The following ASAP2 variants were observed in gnomAD, a reference collection of about 807,000 sequenced individuals.
ASAP2 encodes the protein arf-GAP with SH3 domain, ANK repeat and PH domain-containing protein 2.
In ASAP2, 45 loss-of-function variants were observed where a neutral mutation model predicts 131.4. The observed-to-expected ratio is 0.34, with a 90% CI of 0.27 to 0.44. The LOEUF (loss-of-function observed/expected upper bound fraction) is 0.44, where lower values mean the gene tolerates loss of function less well. Among genes scored for constraint, ASAP2 ranks in the 20% least tolerant of loss-of-function variants. The probability of loss-of-function intolerance (pLI) is 1.00; values close to 1 mark genes in which losing one functional copy is unlikely to be tolerated. For synonymous variants in ASAP2, 510 were observed against 503.0 expected (o/e 1.01, Z -0.19); for missense variants, 1,011 against 1,297.0 (o/e 0.78, Z 3.39).
At chr2:9,250,101 A>G (rs1337573229) in intron 1 of ASAP2, among the ~76,000 whole-genome samples, 1 of 152,148 alleles carries the variant, frequency 6.6e-6, no homozygotes, top group Non-Finnish European at 1.5e-5. Context: ...TACCTACCTC[A>G]ATTGCTTTGT....
intron 1 of ASAP2, among the ~76,000 whole-genome samples, chr2:9,270,818 A>T (rs1310387184): frequency 1.7e-5 from 1 of 59,960 alleles, no homozygotes; most frequent in African/African-American, 6.2e-5. Flanking sequence ...TTTGAGACGG[A>T]GTCTCGCTCC....
rs57906310 is a variant in ASAP2, at chr2:9,302,169, CTTTTTTTTTT to C, written c.345+4736_345+4745del. Among the ~76,000 whole-genome samples the C allele has an allele frequency of 1.8e-4, 15 of 82,920 alleles. No individual in the cohort carries two copies. The Admixed American group carries it at 1.9e-3, about 11-fold the overall frequency. 54.4% of individuals were successfully genotyped at this position (82,920 alleles called of 152,430 possible). A position where few individuals can be genotyped will look rare whatever the true frequency, so the allele number is the denominator to read the frequency against. Reference sequence around the variant, plus strand: ...AACACAGATGATGTGAGTTAGAAGCCTTTTTTTTTTTTTTTTTTTTTGAGACGGAGTCTCG... The same window carrying C: ...AACACAGATGATGTGAGTTAGAAGCCTTTTTTTTTTTGAGACGGAGTCTCG... On this transcript the variant is annotated intron_variant, in intron 3 of 27. Transcript: ENST00000281419.
chr2:9,268,446 G>A lies in ASAP2; in HGVS notation c.127-10871G>A, dbSNP rs551795072. Among the ~76,000 whole-genome samples, 3 of 152,242 alleles carry A rather than the reference G, an allele frequency of 2.0e-5. No homozygotes were observed. Among genetic ancestry groups the A allele is most frequent in the South Asian group, 4.1e-4 (2 of 4,824 alleles). On this transcript the variant is annotated intron_variant, in intron 1 of 27. Transcript: ENST00000281419. The surrounding 1 kb of genome is among the most constrained non-coding windows in gnomAD (Gnocchi z 4.1). ...CGTCTATTTGATCTTAATTCTTAGC[G>A]ACACCTGCTATTCTTCAGGCCTGGC...
intron 3 of ASAP2, among the ~76,000 whole-genome samples, chr2:9,317,740 C>A (rs553069560): frequency 1.3e-4 from 19 of 151,014 alleles, no homozygotes; most frequent in African/African-American, 4.4e-4. Flanking sequence ...ACACTCACAT[C>A]CACACTCACA....
chr2:9,382,072 C>T (rs1037119768), intron 20 of ASAP2, among the ~76,000 whole-genome samples: 1 of 151,128 alleles, frequency 6.6e-6, no homozygotes, highest in Admixed American at 6.6e-5. Context: ...CAACCTCCGC[C>T]TCCCAGGTTT....
rs191573615 is a variant in ASAP2, at chr2:9,250,835, G to A, written c.127-28482G>A. ...TGTGATTCAGCACAGGCCACCATGG[G>A]CCATCTGTGAGCAAAGTGCTGAGCC... On this transcript the variant is annotated intron_variant, in intron 1 of 27. Transcript: ENST00000281419. 8.1e-4 allele frequency among the ~76,000 whole-genome samples: 123 copies of A among 152,342 alleles called. 1 individual carries two copies. The highest frequency in any genetic ancestry group is 2.2e-3 in the African/African-American group (93 of 41,578).
chr2:9,387,247 G>T (rs1439951695), intron 21 of ASAP2, among the ~76,000 whole-genome samples: 1 of 148,454 alleles, frequency 6.7e-6, no homozygotes, highest in Admixed American at 6.6e-5. Flanking sequence ...CTTCAGGGGG[G>T]AGCAGGGGTG....
chr2:9,330,989 A>G (rs544411420), intron 7 of ASAP2, among the ~76,000 whole-genome samples: 24 of 152,384 alleles, frequency 1.6e-4, no homozygotes, highest in African/African-American at 5.0e-4. Context: ...TCTGGAGGGT[A>G]CAACGTGGAG....
intron 3 of ASAP2, among the ~76,000 whole-genome samples, chr2:9,310,435 T>C (rs2148458464): frequency 6.6e-6 from 1 of 152,330 alleles, no homozygotes; most frequent in African/African-American, 2.4e-5. Flanking sequence ...TGGGAAGACC[T>C]GTTATTTTCT....
At chr2:9,220,655 T>A (rs1662353167) in intron 1 of ASAP2, among the ~76,000 whole-genome samples, 1 of 152,240 alleles carries the variant, frequency 6.6e-6, no homozygotes, top group South Asian at 2.1e-4. Context: ...GTAGATTGTT[T>A]TTTCACTCAT....
At chr2:9,376,079 A>G (rs1201526499) in intron 17 of ASAP2, among the ~76,000 whole-genome samples, 1 of 152,244 alleles carries the variant, frequency 6.6e-6, no homozygotes, top group Non-Finnish European at 1.5e-5. Context: ...GCTGCCTATC[A>G]GCAAGGATGC....
At chr2:9,381,158 G>GAC (rs1472345181) in intron 20 of ASAP2, among the ~76,000 whole-genome samples, 2 of 152,196 alleles carry the variant, frequency 1.3e-5, no homozygotes, top group African/African-American at 4.8e-5. Flanking sequence ...TACTTTGCAG[G>GAC]ACATCAAGGC....
chr2:9,320,351 T>A lies in ASAP2; in HGVS notation c.470+14T>A, dbSNP rs1291681412. ...TGAAACAAAAATGTGAGTGTTCTCG[T>A]TTTTAAATTTACGTATAGGTAATTT... On this transcript the variant is annotated intron_variant, in intron 5 of 27. Transcript: ENST00000281419. 5 of 1,605,924 alleles carry A rather than the reference T, an allele frequency of 3.1e-6. No individual in the cohort carries two copies. The highest frequency in any genetic ancestry group is 2.6e-6 in the Non-Finnish European group (3 of 1,175,024).
At chr2:9,331,154 C>T (rs1429558759) in intron 7 of ASAP2, among the ~76,000 whole-genome samples, 23 of 152,246 alleles carry the variant, frequency 1.5e-4, no homozygotes, top group African/African-American at 9.6e-5. Context: ...GCTGGGTACA[C>T]GCGGGCCTCT....
At chr2:9,214,777 TAAAAAAAA>T (rs34474684) in intron 1 of ASAP2, among the ~76,000 whole-genome samples, 9 of 103,076 alleles carry the variant, frequency 8.7e-5, no homozygotes, top group African/African-American at 3.0e-4. Context: ...CCTGGACGTC[TAAAAAAAA>T]AAAAAAAAAA....
At chr2:9,214,399 C>T (rs112736867) in intron 1 of ASAP2, among the ~76,000 whole-genome samples, 3 of 152,020 alleles carry the variant, frequency 2.0e-5, no homozygotes, top group Non-Finnish European at 4.4e-5. Flanking sequence ...GCCACCATGC[C>T]CGGCTGATTT....
intron 1 of ASAP2, among the ~76,000 whole-genome samples, chr2:9,218,994 C>T (rs1226048309): frequency 6.6e-6 from 1 of 152,072 alleles, no homozygotes; most frequent in African/African-American, 2.4e-5. Context: ...GAGATTGGGC[C>T]GAATGAGGCC....
At chr2:9,355,954 A>AT in intron 12 of ASAP2, 93 bp from the exon 13 acceptor site, 1 of 1,459,180 alleles carries the variant, frequency 6.9e-7, no homozygotes, top group East Asian at 2.3e-5. Flanking sequence ...GAGAGCTAAG[A>AT]TTATTCCAGA....
intron 20 of ASAP2, among the ~76,000 whole-genome samples, chr2:9,381,905 A>G (rs867883790): frequency 1.3e-5 from 2 of 152,100 alleles, no homozygotes; most frequent in Non-Finnish European, 2.9e-5. Context: ...AACTATTAAT[A>G]ATAAATGCTA....
Sources: gnomAD v4.1 joint callset for allele counts (sites outside exome capture counted in the v4.1 genomes callset) on GRCh38, gnomAD v4.1.1 for gene constraint, Gnocchi (gnomAD v3.1) non-coding constraint, MANE v1.5 for transcripts, NCBI Gene and HGNC (gene_info 2026-07-23, HGNC 2026-07-21) for gene names.